SDK1: variants seen among roughly 807,000 people sequenced by gnomAD.
SDK1 encodes sidekick cell adhesion molecule 1.
Under a neutral mutation model 245.5 loss-of-function variants are expected in SDK1, and 157 were observed. The ratio of observed to expected loss-of-function variants is 0.64; its 90% confidence interval spans 0.56 to 0.73. SDK1 has a LOEUF of 0.73. Ranked by LOEUF, SDK1 falls within the 30% of genes least tolerant of loss-of-function variation. The probability of loss-of-function intolerance (pLI) is 0.00; values close to 1 mark genes in which losing one functional copy is unlikely to be tolerated. For missense variants in SDK1, 3,583 were observed against 3,002.3 expected, an observed-to-expected ratio of 1.19 and a Z score of -4.52; for synonymous variants, 1,647 against 1,278.5, an observed-to-expected ratio of 1.29 and a Z score of -6.15.
chr7:3,720,026 TA>T (rs1423095247), intron 4 of SDK1, among the ~76,000 whole-genome samples: 4 of 151,640 alleles, frequency 2.6e-5, no homozygotes, highest in Non-Finnish European at 5.9e-5. Flanking sequence ...CTTTGGGATC[TA>T]AGACTAAGAG....
At chr7:3,948,415 A>G (rs2128124218) in intron 5 of SDK1, among the ~76,000 whole-genome samples, 1 of 151,796 alleles carries the variant, frequency 6.6e-6, no homozygotes, top group South Asian at 2.1e-4. Flanking sequence ...GTGCCACCAC[A>G]CCCAGCTAAT....
chr7:3,932,839 CAGAG>C (rs905462203), intron 5 of SDK1, among the ~76,000 whole-genome samples: 1 of 152,176 alleles, frequency 6.6e-6, no homozygotes, highest in Non-Finnish European at 1.5e-5. Flanking sequence ...AAGAGAGGGA[CAGAG>C]AGACCCCCAA....
At chr7:3,806,765 T>C (rs1203772978) in intron 4 of SDK1, among the ~76,000 whole-genome samples, 1 of 151,336 alleles carries the variant, frequency 6.6e-6, no homozygotes, top group African/African-American at 2.5e-5. Context: ...GTCATGGAAA[T>C]GAACTGCACA....
chr7:3,899,096 C>T (rs2128104563), intron 5 of SDK1, among the ~76,000 whole-genome samples: 1 of 152,202 alleles, frequency 6.6e-6, no homozygotes, highest in East Asian at 1.9e-4. Context: ...ATCATATTTC[C>T]TGTGATCCTG....
chr7:3,848,961 C>T (rs970100104), intron 5 of SDK1, among the ~76,000 whole-genome samples: 2 of 152,236 alleles, frequency 1.3e-5, no homozygotes, highest in Non-Finnish European at 2.9e-5. Flanking sequence ...TGAGCCGCCG[C>T]GCCCGGCCTG....
At chr7:3,760,491 C>G (rs1780066716) in intron 4 of SDK1, among the ~76,000 whole-genome samples, 1 of 152,182 alleles carries the variant, frequency 6.6e-6, no homozygotes, top group East Asian at 1.9e-4. Context: ...ACAAAGTGAC[C>G]TATGAAGTGT....
chr7:4,189,331 A>C (rs978601359), intron 35 of SDK1, among the ~76,000 whole-genome samples: 1 of 152,146 alleles, frequency 6.6e-6, no homozygotes, highest in African/African-American at 2.4e-5. Flanking sequence ...ATCGCAGCTC[A>C]AGGCTGAGGC....
At chr7:4,029,258 C>T (rs1787607137) in intron 17 of SDK1, among the ~76,000 whole-genome samples, 2 of 136,600 alleles carry the variant, frequency 1.5e-5, no homozygotes, top group South Asian at 4.5e-4. Context: ...GTCATCCAGG[C>T]TGGAGTGCAG....
intron 1 of SDK1, among the ~76,000 whole-genome samples, chr7:3,305,321 T>A (rs572644438): frequency 1.9e-4 from 29 of 152,336 alleles, no homozygotes; most frequent in African/African-American, 6.0e-4. Flanking sequence ...TGTATGTTTG[T>A]GTTACTTTTT....
In SDK1 at chr7:4,139,681, G is replaced by GTGTGTATA. The variant is rs1554358883; in HGVS notation, c.4229-6036_4229-6035insATATGTGT. Among the ~76,000 whole-genome samples, 193 of 113,450 alleles carry GTGTGTATA rather than the reference G, an allele frequency of 1.7e-3. 25 individuals carry two copies. The highest frequency in any genetic ancestry group is 4.5e-3 in the Middle Eastern group (1 of 224). 74.4% of individuals were successfully genotyped at this position (113,450 alleles called of 152,430 possible). A position where few individuals can be genotyped will look rare whatever the true frequency, so the allele number is the denominator to read the frequency against. On this transcript the variant is annotated intron_variant, in intron 28 of 44. Coordinates refer to ENST00000404826, the MANE Select transcript of SDK1 (RefSeq NM_152744.4). ...TGTGTATATGTGTGTGTGTATATGT[G>GTGTGTATA]TGTGTGTGTATGTGTGTGTGTGTAT...
chr7:3,661,721 A>G (rs1783362850), intron 4 of SDK1, among the ~76,000 whole-genome samples: 1 of 152,224 alleles, frequency 6.6e-6, no homozygotes, highest in African/African-American at 2.4e-5. Flanking sequence ...GCAGTATAAA[A>G]TGGTGGCTAA....
chr7:4,185,744 A>G (rs1782852096), intron 35 of SDK1, among the ~76,000 whole-genome samples: 1 of 151,646 alleles, frequency 6.6e-6, no homozygotes, highest in Non-Finnish European at 1.5e-5. Flanking sequence ...GAGGGCAGGG[A>G]CCCCTCTTAT....
chr7:3,610,873 G>C (rs2128642048), intron 1 of SDK1, among the ~76,000 whole-genome samples: 1 of 152,356 alleles, frequency 6.6e-6, no homozygotes, highest in Middle Eastern at 3.4e-3. Context: ...CACATGGACT[G>C]ACTCAAATAT....
At chr7:3,656,284 A>AT (rs1451465576) in intron 4 of SDK1, among the ~76,000 whole-genome samples, 1 of 152,098 alleles carries the variant, frequency 6.6e-6, no homozygotes. Flanking sequence ...TAAGAGAGAC[A>AT]TTTTTGCTGC....
chr7:3,983,903 G>A (rs1050367108), intron 13 of SDK1, among the ~76,000 whole-genome samples: 4 of 152,196 alleles, frequency 2.6e-5, no homozygotes, highest in South Asian at 4.1e-4. Flanking sequence ...AGAGAAGGAC[G>A]TGTGCGTCTC....
At chr7:3,974,802 CA>C in intron 13 of SDK1, 1 of 411,072 alleles carries the variant, frequency 2.4e-6, no homozygotes, top group Non-Finnish European at 4.4e-6. Context: ...TCCTTTTTGT[CA>C]TATTTTTCCC....
rs1430835192 is a variant in SDK1, at chr7:3,978,697, A to G, written c.1994+4152A>G. ...GCAGGGCATTCTGTCCTTCTTGGGTAACTTTCAAACTGAGCTCTGTAGTGT... is the reference window on the plus strand; with the variant it reads ...GCAGGGCATTCTGTCCTTCTTGGGTGACTTTCAAACTGAGCTCTGTAGTGT... On this transcript the variant is annotated intron_variant, in intron 13 of 44. Coordinates refer to ENST00000404826, the MANE Select transcript of SDK1 (RefSeq NM_152744.4). Among the ~76,000 whole-genome samples the G allele has an allele frequency of 2.6e-5, 4 of 152,196 alleles. No homozygotes were observed. In the East Asian group the frequency reaches 7.7e-4, roughly 29 times the overall value.
chr7:3,340,840 A>T (rs1780329137), intron 1 of SDK1, among the ~76,000 whole-genome samples: 1 of 152,100 alleles, frequency 6.6e-6, no homozygotes, highest in South Asian at 2.1e-4. Context: ...TGTTAAAGCC[A>T]TTAAAGAAAT....
intron 35 of SDK1, among the ~76,000 whole-genome samples, chr7:4,199,234 C>T (rs77295627): frequency 1.3e-5 from 2 of 152,126 alleles, no homozygotes; most frequent in African/African-American, 2.4e-5. Context: ...GGAACACCAC[C>T]GCTTGTGATG....
Sources: allele counts gnomAD v4.1 joint callset (sites outside exome capture counted in the v4.1 genomes callset), GRCh38; gene constraint gnomAD v4.1.1; transcripts MANE v1.5; gene names NCBI Gene and HGNC (gene_info 2026-07-23, HGNC 2026-07-21).